Variants in DISC1 observed in about 807,000 individuals in gnomAD.
The protein encoded by DISC1 is disrupted in schizophrenia 1 protein.
DISC1 carries 57 observed loss-of-function variants against 84.5 expected under a neutral mutation model. The observed-to-expected ratio is 0.67, with a 90% CI of 0.55 to 0.84. The LOEUF is 0.84. Among genes scored for constraint, DISC1 ranks in the 40% least tolerant of loss-of-function variants. DISC1 has a pLI of 0.00. For synonymous variants in DISC1, 411 were observed against 415.2 expected, an observed-to-expected ratio of 0.99 and a Z score of 0.12; for missense variants, 1,000 against 1,057.8, an observed-to-expected ratio of 0.95 and a Z score of 0.76.
intron 6 of DISC1, among the ~76,000 whole-genome samples, chr1:231,772,820 G>T (rs2076657292): frequency 6.6e-6 from 1 of 152,154 alleles, no homozygotes; most frequent in Non-Finnish European, 1.5e-5. Flanking sequence ...CTATTCTAGG[G>T]AGTTACTTAA....
chr1:231,917,592 G>A (rs7547474), intron 9 of DISC1, among the ~76,000 whole-genome samples: 28 of 152,254 alleles, frequency 1.8e-4, no homozygotes, highest in African/African-American at 5.5e-4. Flanking sequence ...ACGAGTGAGC[G>A]CCAGGACTGA....
chr1:231,646,263 T>C (rs576317961), intron 1 of DISC1, among the ~76,000 whole-genome samples: 1 of 151,706 alleles, frequency 6.6e-6, no homozygotes, highest in South Asian at 2.1e-4. Flanking sequence ...GTTTGATTTT[T>C]TGTCCTTGCG....
At chr1:231,634,193 C>T (rs2058996727) in intron 1 of DISC1, among the ~76,000 whole-genome samples, 2 of 152,004 alleles carry the variant, frequency 1.3e-5, no homozygotes, top group South Asian at 4.1e-4. Context: ...CTGTACCTGT[C>T]ATCTCTTGGT....
At chr1:231,989,680 G>A (rs1316822949) in intron 10 of DISC1, among the ~76,000 whole-genome samples, 1 of 152,192 alleles carries the variant, frequency 6.6e-6, no homozygotes, top group Non-Finnish European at 1.5e-5. Context: ...ACAGAGTTGG[G>A]AAGATCGAGA....
intron 9 of DISC1, among the ~76,000 whole-genome samples, chr1:231,840,862 A>G (rs553589332): frequency 6.6e-6 from 1 of 152,250 alleles, no homozygotes; most frequent in African/African-American, 2.4e-5. Context: ...TGATGGTTAC[A>G]AGTTACAGCC....
intron 9 of DISC1, among the ~76,000 whole-genome samples, chr1:231,848,117 A>T (rs1459798733): frequency 6.6e-6 from 1 of 152,122 alleles, no homozygotes; most frequent in Non-Finnish European, 1.5e-5. Context: ...TGTGACTTTG[A>T]TTGTTTTAAC....
chr1:231,796,564 T>C (rs2078783149), intron 7 of DISC1, among the ~76,000 whole-genome samples: 1 of 152,110 alleles, frequency 6.6e-6, no homozygotes, highest in South Asian at 2.1e-4. Flanking sequence ...TCCATTTCTG[T>C]ATCTAATTTA....
At chr1:231,689,136 C>T (rs953854957) in intron 1 of DISC1, among the ~76,000 whole-genome samples, 2 of 152,162 alleles carry the variant, frequency 1.3e-5, no homozygotes, top group African/African-American at 2.4e-5. Flanking sequence ...AATTCCTTCC[C>T]TGAAAAGAAT....
intron 8 of DISC1, among the ~76,000 whole-genome samples, chr1:231,808,086 G>A (rs1446715517): frequency 6.6e-6 from 1 of 152,114 alleles, no homozygotes; most frequent in Non-Finnish European, 1.5e-5. Context: ...TCCTGTAGCC[G>A]TCAAACTTGG....
intron 9 of DISC1, among the ~76,000 whole-genome samples, chr1:231,923,306 C>CAAAAAAAAAAA (rs1558738260): frequency 3.7e-5 from 4 of 109,396 alleles, no homozygotes; most frequent in African/African-American, 6.3e-5. Flanking sequence ...ACAAAAAAAA[C>CAAAAAAAAAAA]CAAAAAAAAA....
rs924085032 is a variant in DISC1 at position 231,897,591 on chromosome 1, G to A, written c.1982-61237G>A. 1.3e-5 allele frequency among the ~76,000 whole-genome samples: 2 copies of A among 151,942 alleles called. No individual in the cohort carries two copies. Among genetic ancestry groups the A allele is most frequent in the Non-Finnish European group, 2.9e-5 (2 of 67,996 alleles). Reference sequence around the variant, plus strand: ...AAAAACTTTGCGGCAGCATTTTACAGCCATTTATTGTAGAGTCTGTTGCTT... The same window carrying A: ...AAAAACTTTGCGGCAGCATTTTACAACCATTTATTGTAGAGTCTGTTGCTT... On this transcript the variant is annotated intron_variant, in intron 9 of 12. Coordinates refer to ENST00000439617, the MANE Select transcript of DISC1 (RefSeq NM_018662.3). The surrounding 1 kb of genome is among the most constrained non-coding windows in gnomAD (Gnocchi z 4.5).
intron 3 of DISC1, chr1:231,722,676 C>G: frequency 6.2e-7 from 1 of 1,606,702 alleles, no homozygotes; most frequent in Non-Finnish European, 8.5e-7. Context: ...CTTTAGACAT[C>G]ATGAAAAGAA....
In DISC1 at chr1:231,903,091, A is replaced by T. The variant is rs542188195; in HGVS notation, c.1982-55737A>T. On this transcript the variant is annotated intron_variant, in intron 9 of 12. Coordinates refer to ENST00000439617, the MANE Select transcript of DISC1 (RefSeq NM_018662.3). ...TCATTTTTTTTTTTTTGACAGAGTC[A>T]TACTCTCTTGCCTAGGCTGGAGTGC... is the stretch of plus-strand genomic sequence containing the variant. 9.3e-4 allele frequency among the ~76,000 whole-genome samples: 134 copies of T among 143,730 alleles called. 1 individual carries two copies. In the Middle Eastern group the frequency reaches 0.011, roughly 12 times the overall value. The allele number at this position is 143,730 out of a possible 152,430, so 94.3% of individuals were successfully genotyped here.
intron 10 of DISC1, among the ~76,000 whole-genome samples, chr1:232,008,328 C>T (rs1667716330): frequency 6.6e-6 from 1 of 152,148 alleles, no homozygotes; most frequent in Admixed American, 6.5e-5. Flanking sequence ...GAATGTTTCT[C>T]CCAAAAAGGT....
At chr1:231,964,199 C>T (rs1057253240) in intron 10 of DISC1, among the ~76,000 whole-genome samples, 5 of 152,158 alleles carry the variant, frequency 3.3e-5, no homozygotes, top group African/African-American at 9.7e-5. Context: ...CTGGATGGTA[C>T]AGGGGTTCCC....
At chr1:232,029,983 T>A (rs1023912838) in intron 12 of DISC1, among the ~76,000 whole-genome samples, 1 of 152,220 alleles carries the variant, frequency 6.6e-6, no homozygotes, top group African/African-American at 2.4e-5. Context: ...CTCTTCATCG[T>A]CCTGACAGGC....
At position 231,994,017 on chromosome 1, in the gene DISC1, A is replaced by G. The variant is rs141073066; in HGVS notation, c.2043-14768A>G. 3.4e-3 allele frequency among the ~76,000 whole-genome samples: 522 copies of G among 152,358 alleles called. 15 individuals carry two copies. In the South Asian group the frequency reaches 0.08, roughly 23 times the overall value. On this transcript the variant is annotated intron_variant, in intron 10 of 12. Coordinates refer to ENST00000439617, the MANE Select transcript of DISC1 (RefSeq NM_018662.3). ...TGGCTTATCCACAACAGGAAAGGGA[A>G]GTATGTTACACTAATGATGAGAATA...
intron 6 of DISC1, among the ~76,000 whole-genome samples, chr1:231,792,274 G>C (rs201456398): frequency 2.0e-5 from 3 of 152,160 alleles, no homozygotes; most frequent in Admixed American, 6.5e-5. Context: ...TCTGAGAGGA[G>C]ACTGATTTTC....
chr1:231,695,660 ATG>A (rs1033884946), intron 2 of DISC1, among the ~76,000 whole-genome samples: 4 of 150,650 alleles, frequency 2.7e-5, no homozygotes, highest in African/African-American at 7.3e-5. Flanking sequence ...CTGTGTGTTC[ATG>A]TGTGTGTGTG....
Sources: gnomAD v4.1 joint callset for allele counts (sites outside exome capture counted in the v4.1 genomes callset) on GRCh38, gnomAD v4.1.1 for gene constraint, Gnocchi (gnomAD v3.1) non-coding constraint, MANE v1.5 for transcripts, NCBI Gene and HGNC (gene_info 2026-07-23, HGNC 2026-07-21) for gene names.